Variants in MB21D2 observed in about 807,000 individuals in gnomAD.
MB21D2 encodes nucleotidyltransferase MB21D2.
Under a neutral mutation model 33.3 loss-of-function variants are expected in MB21D2, and 9 were observed. The ratio of observed to expected loss-of-function variants is 0.27; its 90% CI spans 0.16 to 0.47. The LOEUF is 0.47. Among genes scored for constraint, MB21D2 ranks in the 20% least tolerant of loss-of-function variants. The pLI, the probability that MB21D2 is intolerant of heterozygous loss-of-function variation, is 0.99. For synonymous variants in MB21D2, 241 were observed against 236.3 expected, an observed-to-expected ratio of 1.02 and a Z score of -0.18; for missense variants, 540 against 624.6, an observed-to-expected ratio of 0.86 and a Z score of 1.44.
At chr3:192,826,700 CAG>C (rs1042830850) in intron 1 of MB21D2, among the ~76,000 whole-genome samples, 1 of 152,158 alleles carries the variant, frequency 6.6e-6, no homozygotes, top group Non-Finnish European at 1.5e-5. Context: ...AGAATGCCCT[CAG>C]AGAGAATCTC....
intron 1 of MB21D2, among the ~76,000 whole-genome samples, chr3:192,914,178 A>G (rs995909057): frequency 1.3e-5 from 2 of 152,128 alleles, no homozygotes; most frequent in Admixed American, 1.3e-4. Flanking sequence ...TCTACCATCT[A>G]TTAGCTTTGT....
intron 1 of MB21D2, among the ~76,000 whole-genome samples, chr3:192,887,457 C>A (rs541741138): frequency 6.6e-6 from 1 of 152,234 alleles, no homozygotes; most frequent in South Asian, 2.1e-4. Flanking sequence ...AAACTGTACA[C>A]TTAGAAACTG....
At chr3:192,817,378 A>G (rs74954805) in intron 1 of MB21D2, among the ~76,000 whole-genome samples, 16,942 of 152,192 alleles carry the variant, frequency 0.11, 1,284 homozygotes, top group East Asian at 0.24. Flanking sequence ...TGAAAAGTTA[A>G]CACAAAGCAC....
chr3:192,813,706 G>C (rs1194410392), intron 1 of MB21D2, among the ~76,000 whole-genome samples: 1 of 151,998 alleles, frequency 6.6e-6, no homozygotes, highest in Admixed American at 6.6e-5. Flanking sequence ...CTAGTTCTCC[G>C]GCCTAAACCA....
chr3:192,811,503 A>C (rs1711786609), intron 1 of MB21D2, among the ~76,000 whole-genome samples: 1 of 152,176 alleles, frequency 6.6e-6, no homozygotes, highest in Non-Finnish European at 1.5e-5. Flanking sequence ...TCTTTCCCAC[A>C]ATCAGTTATA....
chr3:192,905,405 G>A (rs1289509064), intron 1 of MB21D2, among the ~76,000 whole-genome samples: 4 of 151,994 alleles, frequency 2.6e-5, no homozygotes, highest in Admixed American at 6.6e-5. Context: ...TTAGGAGGCC[G>A]AGGTGGGCGG....
intron 1 of MB21D2, among the ~76,000 whole-genome samples, chr3:192,880,277 A>G (rs1402108788): frequency 2.0e-5 from 3 of 151,712 alleles, no homozygotes; most frequent in Non-Finnish European, 4.4e-5. Flanking sequence ...AACCCAGGAG[A>G]CGGAGGTTGC....
intron 1 of MB21D2, among the ~76,000 whole-genome samples, chr3:192,877,599 C>T (rs1005981465): frequency 6.6e-6 from 1 of 152,214 alleles, no homozygotes; most frequent in African/African-American, 2.4e-5. Context: ...CACAAGACCT[C>T]ATCTAGAGGT....
intron 1 of MB21D2, among the ~76,000 whole-genome samples, chr3:192,877,377 T>C (rs765563025): frequency 4.0e-5 from 6 of 149,778 alleles, no homozygotes; most frequent in Non-Finnish European, 8.9e-5. Flanking sequence ...AACTTCCAAA[T>C]AATAAAATCT....
intron 1 of MB21D2, among the ~76,000 whole-genome samples, chr3:192,873,152 T>C (rs1261599334): frequency 6.6e-6 from 1 of 152,150 alleles, no homozygotes; most frequent in Non-Finnish European, 1.5e-5. Flanking sequence ...CCCCTGGCTC[T>C]ATCTGCCTCC....
intron 1 of MB21D2, among the ~76,000 whole-genome samples, chr3:192,808,536 C>T (rs977984020): frequency 3.3e-5 from 5 of 152,236 alleles, no homozygotes; most frequent in South Asian, 2.1e-4. Flanking sequence ...GTCATCCATC[C>T]GGCAGAATTT....
rs1167200069 is a variant in MB21D2, at chr3:192,905,376, C to T, written c.211+12254G>A. ...AGGCGTGGCTGGGCATGGTGGCTCA[C>T]GCCTGTAATCCCAGCAATTTAGGAG... On this transcript the variant is annotated intron_variant, in intron 1 of 1. Transcript: ENST00000392452. Among the ~76,000 whole-genome samples the T allele has an allele frequency of 2.6e-5, 4 of 151,946 alleles. 1 individual carries two copies. Among genetic ancestry groups the T allele is most frequent in the Middle Eastern group, 6.3e-3 (2 of 316 alleles).
chr3:192,889,959 C>T (rs369352487), intron 1 of MB21D2, among the ~76,000 whole-genome samples: 4 of 152,094 alleles, frequency 2.6e-5, no homozygotes, highest in Middle Eastern at 3.4e-3. Context: ...ACGGTAGACA[C>T]CAGAAATGAC....
chr3:192,908,861 C>T (rs887643919), intron 1 of MB21D2, among the ~76,000 whole-genome samples: 6 of 152,092 alleles, frequency 3.9e-5, no homozygotes, highest in African/African-American at 1.4e-4. Flanking sequence ...TGACATGGAT[C>T]CTCTCGACAG....
chr3:192,825,061 T>G (rs1486600182), intron 1 of MB21D2, among the ~76,000 whole-genome samples: 1 of 152,192 alleles, frequency 6.6e-6, no homozygotes, highest in Non-Finnish European at 1.5e-5. Flanking sequence ...TACCCAAGAA[T>G]AGCCCCAATA....
chr3:192,824,710 T>C (rs1375371485), intron 1 of MB21D2, among the ~76,000 whole-genome samples: 2 of 152,204 alleles, frequency 1.3e-5, no homozygotes, highest in Admixed American at 1.3e-4. Flanking sequence ...AAGGTTTTCA[T>C]TTAAAATTAT....
chr3:192,862,766 G>C (rs1228238361), intron 1 of MB21D2, among the ~76,000 whole-genome samples: 2 of 152,178 alleles, frequency 1.3e-5, no homozygotes, highest in East Asian at 3.8e-4. Flanking sequence ...CGGTCCATTT[G>C]GGCTGCTATA....
chr3:192,847,224 T>C (rs959203635), intron 1 of MB21D2, among the ~76,000 whole-genome samples: 2 of 152,234 alleles, frequency 1.3e-5, no homozygotes, highest in Non-Finnish European at 2.9e-5. Context: ...TGATTAAATG[T>C]TGAAAATGAA....
At chr3:192,851,172 A>G (rs1487545752) in intron 1 of MB21D2, among the ~76,000 whole-genome samples, 1 of 152,202 alleles carries the variant, frequency 6.6e-6, no homozygotes, top group African/African-American at 2.4e-5. Flanking sequence ...CATAGAATAG[A>G]ATTAAGCTAT....
Sources: gnomAD v4.1 joint callset for allele counts (sites outside exome capture counted in the v4.1 genomes callset) on GRCh38, gnomAD v4.1.1 for gene constraint, MANE v1.5 for transcripts, NCBI Gene and HGNC (gene_info 2026-07-23, HGNC 2026-07-21) for gene names.